Variants in TRMT44 observed in about 807,000 individuals in gnomAD.
The protein encoded by TRMT44 is tRNA methyltransferase 44 homolog, also known as probable tRNA (uracil-O(2)-)-methyltransferase.
TRMT44 carries 78 observed loss-of-function variants against 77.3 expected under a neutral mutation model. The observed-to-expected ratio is 1.01, with a 90% CI of 0.84 to 1.22. TRMT44 has a LOEUF of 1.22. Ranked by LOEUF, TRMT44 falls within the 50% of genes most tolerant of loss-of-function variation. The pLI is 0.00. For missense variants in TRMT44, 1,090 were observed against 964.4 expected (o/e 1.13, Z -1.73); for synonymous variants, 391 against 383.3 (o/e 1.02, Z -0.23).
In TRMT44 at chr4:8,454,644, C is replaced by T. The variant is rs59979688; in HGVS notation, c.1132-98C>T. 2,853 of 1,143,316 alleles carry T rather than the reference C, an allele frequency of 2.5e-3. 30 individuals are homozygous for T. In the African/African-American group the frequency reaches 0.028, roughly 11 times the overall value. The allele number at this position is 1,143,316 out of a possible 1,614,324, so 70.8% of individuals were successfully genotyped here. Reference sequence around the variant, plus strand: ...GGCAGGAAGCTCTTCTCTTGCCCTTCGTCCTGCTGGCAGTGCCTGCAGAAC... The same window carrying T: ...GGCAGGAAGCTCTTCTCTTGCCCTTTGTCCTGCTGGCAGTGCCTGCAGAAC... On this transcript the variant is annotated intron_variant, in intron 5 of 10. Coordinates refer to ENST00000389737, the MANE Select transcript of TRMT44 (RefSeq NM_152544.3).
chr4:8,465,508 A>G lies in TRMT44; in HGVS notation c.1441A>G (p.Thr481Ala). The G allele has an allele frequency of 6.2e-7, 1 of 1,614,156 alleles. No individual in the cohort carries two copies. Among genetic ancestry groups the G allele is most frequent in the African/African-American group, 1.3e-5 (1 of 75,040 alleles). ...YLDFIKEVGF[T>A]CGFHVDEDCL... ...TGACTTCATTAAAGAAGTGGGCTTC[A>G]CCTGTGGGTTTCACGTGGACGAAGA... Residue 481 changes from threonine to alanine, a missense_variant, in exon 8 of 11, where the codon ACC becomes GCC. Coordinates refer to ENST00000389737, the MANE Select transcript of TRMT44 (RefSeq NM_152544.3).
intron 7 of TRMT44, among the ~76,000 whole-genome samples, chr4:8,464,972 C>T (rs114911664): frequency 3.7e-4 from 56 of 152,232 alleles, no homozygotes; most frequent in African/African-American, 1.3e-3. Flanking sequence ...AAACCAAAAA[C>T]GAAATGCCGC....
chr4:8,465,555 CAA>C lies in TRMT44; in HGVS notation c.1491_1492del (p.Arg498SerfsTer20), dbSNP rs754629613. 3.3e-4 allele frequency: 525 copies of C among 1,611,594 alleles called. 2 individuals are homozygous for C. Among genetic ancestry groups the C allele is most frequent in the Non-Finnish European group, 1.3e-4 (149 of 1,178,840 alleles). On this transcript the variant is annotated frameshift_variant, in exon 8 of 11. Transcript: ENST00000389737. LOFTEE classifies it high-confidence loss of function. ...DEDCLRIPST[K>X]RVCLVGKSRT... ...AAGACTGCCTCAGGATTCCTTCAAC[CAA>C]AAGAGTATGTCTGATTCTCATGTTG... is the stretch of plus-strand genomic sequence containing the variant.
chr4:8,467,538 A>G (rs1293020375), intron 8 of TRMT44, among the ~76,000 whole-genome samples: 1 of 152,134 alleles, frequency 6.6e-6, no homozygotes, highest in Non-Finnish European at 1.5e-5. Flanking sequence ...GCTGGAGTGC[A>G]TTGGCACAAT....
At chr4:8,471,537 G>T (rs572707597) in intron 10 of TRMT44, among the ~76,000 whole-genome samples, 33 of 152,348 alleles carry the variant, frequency 2.2e-4, no homozygotes, top group African/African-American at 7.9e-4. Flanking sequence ...CCTGTTGGCT[G>T]GGGGTCATTG....
intron 6 of TRMT44, among the ~76,000 whole-genome samples, chr4:8,462,167 T>A (rs1367960699): frequency 1.3e-5 from 2 of 152,118 alleles, no homozygotes; most frequent in African/African-American, 4.8e-5. Flanking sequence ...TCCCAGCACT[T>A]TGGGAGGCCG....
intron 5 of TRMT44, chr4:8,454,318 C>G (rs1281145606): frequency 5.6e-6 from 1 of 177,422 alleles, no homozygotes; most frequent in Non-Finnish European, 1.2e-5. Context: ...ACCTGCCTTG[C>G]AGGGGTGTGG....
intron 2 of TRMT44, among the ~76,000 whole-genome samples, chr4:8,491,703 A>T (rs1444171100): frequency 7.9e-5 from 12 of 152,212 alleles, no homozygotes; most frequent in Admixed American, 7.8e-4. Context: ...GGCTGCTCCG[A>T]GTGCAGGCCC....
At chr4:8,465,304 T>A in intron 7 of TRMT44, 74 bp from the exon 8 acceptor site, 2 of 1,444,782 alleles carry the variant, frequency 1.4e-6, no homozygotes, top group Non-Finnish European at 1.9e-6. Flanking sequence ...GATTGCCGTG[T>A]GGCTTTGTTC....
At chr4:8,515,213 C>T in the TRMT44 span, among the ~76,000 whole-genome samples, 12 of 152,302 alleles carry the variant, frequency 7.9e-5, no homozygotes, top group South Asian at 2.1e-4. Context: ...GCAATCCTCC[C>T]GCCTTGGCCT....
At chr4:8,479,336 C>T (rs1237726132), downstream of TRMT44, 1 of 151,878 alleles carries the variant, frequency 6.6e-6, no homozygotes, top group East Asian at 1.9e-4. Flanking sequence ...TGTCAATTAA[C>T]AGTGCAGATG....
chr4:8,494,712 CCTTAACCTGGGCAAAATAAACTTT>C (rs931628424), downstream of TRMT44, among the ~76,000 whole-genome samples: 4 of 152,138 alleles, frequency 2.6e-5, no homozygotes, highest in Admixed American at 6.5e-5. Flanking sequence ...ATGGGTGTGT[CCTTAACCTGGGCAAAATAAACTTT>C]CTAAATTGGT....
rs190181068 is a variant in TRMT44, at chr4:8,492,432, C to A, written n.3892-834C>A. 8.5e-4 allele frequency among the ~76,000 whole-genome samples: 130 copies of A among 152,304 alleles called. 1 individual carries two copies. Among genetic ancestry groups the A allele is most frequent in the African/African-American group, 3.1e-3 (127 of 41,566 alleles). On this transcript the variant is annotated intron_variant and non_coding_transcript_variant, in intron 2 of 2. Transcript: ENST00000511366. ...TTATGACCGTGAAAGGACAACTAAC[C>A]TAACCGACTCCATCTTGCTTCTAAT...
chr4:8,476,840 C>T (rs1012332663), downstream of TRMT44: 17 of 152,232 alleles, frequency 1.1e-4, no homozygotes, highest in Non-Finnish European at 2.5e-4. Context: ...AACTCCTGGG[C>T]TCAAGCCATC....
At chr4:8,468,453 A>G (rs1445441065) in intron 9 of TRMT44, 107 bp downstream of exon 9, 3 of 1,192,948 alleles carry the variant, frequency 2.5e-6, no homozygotes, top group Non-Finnish European at 3.7e-6. Context: ...GTGACTACAC[A>G]CTTTGAAAAA....
chr4:8,503,369 C>G, the TRMT44 span, among the ~76,000 whole-genome samples: 7 of 152,214 alleles, frequency 4.6e-5, no homozygotes, highest in African/African-American at 1.7e-4. Context: ...GCATCTGCCC[C>G]GGGGAAGCAG....
chr4:8,498,273 C>T (rs187785763), downstream of TRMT44, among the ~76,000 whole-genome samples: 13 of 152,238 alleles, frequency 8.5e-5, no homozygotes, highest in East Asian at 7.7e-4. The surrounding 1 kb of genome is among the most constrained non-coding windows in gnomAD (Gnocchi z 4.3). Context: ...TCCAGAAAGC[C>T]GAGTAAATGC....
downstream of TRMT44, chr4:8,478,447 C>G (rs1727497823): frequency 6.5e-6 from 1 of 152,682 alleles, no homozygotes; most frequent in African/African-American, 2.4e-5. Flanking sequence ...GACTACATCA[C>G]CTGACCTGAT....
chr4:8,466,399 G>A (rs1434020624), intron 8 of TRMT44, among the ~76,000 whole-genome samples: 1 of 152,236 alleles, frequency 6.6e-6, no homozygotes, highest in South Asian at 2.1e-4. Flanking sequence ...TGTGGGGGCT[G>A]GACAGGATGA....
Sources: gnomAD v4.1 joint callset for allele counts (sites outside exome capture counted in the v4.1 genomes callset) on GRCh38, gnomAD v4.1.1 for gene constraint, Gnocchi (gnomAD v3.1) non-coding constraint, MANE v1.5 for transcripts, NCBI Gene and HGNC (gene_info 2026-07-23, HGNC 2026-07-21) for gene names.